The following ERCC6L2 variants were observed in gnomAD, a reference collection of about 807,000 sequenced individuals.
The protein encoded by ERCC6L2 is DNA excision repair protein ERCC-6-like 2.
A neutral mutation model predicts 132.0 loss-of-function variants in ERCC6L2; 77 were observed. The ratio of observed to expected loss-of-function variants is 0.58; its 90% CI spans 0.49 to 0.71. ERCC6L2 has a LOEUF of 0.71. ERCC6L2 is among the 30% of genes least tolerant of loss of function. ERCC6L2 has a pLI of 0.00. For missense variants in ERCC6L2, 1,542 were observed against 1,837.6 expected, an observed-to-expected ratio of 0.84 and a Z score of 2.94; for synonymous variants, 583 against 632.4, an observed-to-expected ratio of 0.92 and a Z score of 1.17.
intron 3 of ERCC6L2, among the ~76,000 whole-genome samples, chr9:95,904,308 ATAT>A (rs1828925808): frequency 6.6e-6 from 1 of 152,088 alleles, no homozygotes. Flanking sequence ...CTCTGAACAT[ATAT>A]TATTATTCCG....
Position 96,016,458 on chromosome 9 carries a change from T to C in ERCC6L2, c.*3255T>C, listed in dbSNP as rs1201616829. Reference sequence around the variant, plus strand: ...AACACTCACCACACAGCTATTAATATTGGAAACTGAGGCAAGATACCAAGA... The same window carrying C: ...AACACTCACCACACAGCTATTAATACTGGAAACTGAGGCAAGATACCAAGA... On this transcript the variant is annotated 3_prime_UTR_variant, in exon 19 of 19. Coordinates refer to ENST00000653738, the MANE Select transcript of ERCC6L2 (RefSeq NM_020207.7). Among the ~76,000 whole-genome samples, 3 of 152,206 alleles carry C rather than the reference T, an allele frequency of 2.0e-5. No homozygotes were observed. In the South Asian group the frequency reaches 6.2e-4, roughly 32 times the overall value.
chr9:95,959,763 A>C (rs186701035), intron 13 of ERCC6L2, among the ~76,000 whole-genome samples: 1 of 152,296 alleles, frequency 6.6e-6, no homozygotes, highest in African/African-American at 2.4e-5. Context: ...CTTAAAAAAA[A>C]AATAAACCTG....
At position 96,004,576 on chromosome 9, in the gene ERCC6L2, A is replaced by G. The variant is rs140801226; in HGVS notation, c.3549A>G (p.Gln1183=). 7.6e-7 allele frequency: 1 copy of G among 1,311,548 alleles called. No homozygotes were observed. The allele number at this position is 1,311,548 out of a possible 1,614,324, so 81.2% of individuals were successfully genotyped here. The stretch of plus-strand genomic sequence containing the variant: ...TGCCACACACAAAGAAAGGCCAGCA[A>G]CCGAGTGAAGGCAGCATTTCACTTC... The part of the protein sequence containing the change: ...DTLPHTKKGQ[Q]PSEGSISLPL... Residue 1183 remains glutamine, a synonymous_variant, in exon 18 of 19, where the codon CAA becomes CAG. Transcript: ENST00000653738.
At chr9:95,916,552 A>G (rs1203565361) in intron 6 of ERCC6L2, 118 bp downstream of exon 6, 1 of 803,520 alleles carries the variant, frequency 1.2e-6, no homozygotes, top group Non-Finnish European at 1.8e-6. Context: ...TTTATTCTGT[A>G]TGGAAAAAAT....
chr9:96,036,552 C>T (rs1004813327), intron 19 of ERCC6L2, among the ~76,000 whole-genome samples: 2 of 152,138 alleles, frequency 1.3e-5, no homozygotes, highest in African/African-American at 2.4e-5. Context: ...ATTGCTGGAT[C>T]ACCTGGGAAG....
rs999225079 is a variant in ERCC6L2, at chr9:95,886,886, A to G, written c.471+5593A>G. Among the ~76,000 whole-genome samples the G allele has an allele frequency of 2.0e-5, 3 of 152,284 alleles. No homozygotes were observed. The East Asian group carries it at 5.8e-4, about 29-fold the overall frequency. On this transcript the variant is annotated intron_variant, in intron 2 of 18. Transcript: ENST00000653738. ...TGGCTAGAAGTAAGCAGGCAGAAAA[A>G]TGTGAAGAGAGAGACTGGCCTAGCC...
chr9:95,941,311 T>G, intron 11 of ERCC6L2, 143 bp from the exon 12 acceptor site: 1 of 545,446 alleles, frequency 1.8e-6, no homozygotes, highest in South Asian at 2.8e-5. Flanking sequence ...GTGGCATATT[T>G]GTATTTTAAT....
chr9:95,936,621 C>T (rs1456721278), intron 11 of ERCC6L2, among the ~76,000 whole-genome samples: 1 of 152,082 alleles, frequency 6.6e-6, no homozygotes, highest in Non-Finnish European at 1.5e-5. Flanking sequence ...CAGAATGATC[C>T]CATGCACTCT....
At chr9:95,914,984 C>T (rs1829513007) in intron 4 of ERCC6L2, among the ~76,000 whole-genome samples, 1 of 152,000 alleles carries the variant, frequency 6.6e-6, no homozygotes, top group South Asian at 2.1e-4. Flanking sequence ...CATAGAACTC[C>T]TGGATTTTTG....
At chr9:95,993,825 C>G (rs896467810) in intron 17 of ERCC6L2, among the ~76,000 whole-genome samples, 22 of 152,218 alleles carry the variant, frequency 1.4e-4, no homozygotes, top group African/African-American at 5.1e-4. Context: ...TAAAAACTTT[C>G]ATCTCCCTCT....
intron 17 of ERCC6L2, among the ~76,000 whole-genome samples, chr9:95,982,833 G>T (rs1832945308): frequency 6.6e-6 from 1 of 152,056 alleles, no homozygotes; most frequent in Admixed American, 6.6e-5. Flanking sequence ...CGTCATTTGA[G>T]TAGAAAATAC....
intron 11 of ERCC6L2, among the ~76,000 whole-genome samples, chr9:95,938,126 A>T (rs886376578): frequency 2.4e-4 from 37 of 151,234 alleles, no homozygotes; most frequent in African/African-American, 9.0e-4. Context: ...AGTGTTTGGA[A>T]TTTTTTTTGT....
chr9:95,887,716 T>A (rs540445335), intron 2 of ERCC6L2, among the ~76,000 whole-genome samples: 1 of 152,246 alleles, frequency 6.6e-6, no homozygotes, highest in Non-Finnish European at 1.5e-5. Flanking sequence ...TAATTAAAGG[T>A]TTCTTAGGTT....
At chr9:95,997,150 G>C (rs1204601162) in intron 17 of ERCC6L2, among the ~76,000 whole-genome samples, 4,833 of 152,318 alleles carry the variant, frequency 0.032, 276 homozygotes, top group African/African-American at 0.11. Flanking sequence ...CTTGGGCAAA[G>C]TCAGTTGTTA....
At chr9:96,039,535 G>T (rs949383398) in intron 20 of ERCC6L2, among the ~76,000 whole-genome samples, 1 of 152,134 alleles carries the variant, frequency 6.6e-6, no homozygotes, top group Non-Finnish European at 1.5e-5. Flanking sequence ...AGCCAGCCAG[G>T]GTAGCCAGGG....
chr9:95,977,734 CTT>C (rs879412026), intron 16 of ERCC6L2, among the ~76,000 whole-genome samples: 4 of 144,052 alleles, frequency 2.8e-5, no homozygotes, highest in Admixed American at 7.0e-5. Context: ...TAGTGAACAT[CTT>C]TTTTTTTTTT....
At chr9:95,886,859 C>A (rs190757624) in intron 2 of ERCC6L2, among the ~76,000 whole-genome samples, 1 of 152,248 alleles carries the variant, frequency 6.6e-6, no homozygotes, top group East Asian at 1.9e-4. Context: ...CAGCTGCCAG[C>A]GTGGCTAGAA....
rs1363230627 is a variant in ERCC6L2 at position 96,016,516 on chromosome 9, T to TA, written c.*3314dup. On this transcript the variant is annotated 3_prime_UTR_variant, in exon 19 of 19. Transcript: ENST00000653738. Reference sequence around the variant, plus strand: ...GCACTTGAATTCCTCAGGGTTCTCTTACAGCCCTGAAAACACCTCTTCAAG... The same window carrying TA: ...GCACTTGAATTCCTCAGGGTTCTCTTAACAGCCCTGAAAACACCTCTTCAAG... 6.6e-6 allele frequency among the ~76,000 whole-genome samples: 1 copy of TA among 152,204 alleles called. No individual in the cohort carries two copies. The highest frequency in any genetic ancestry group is 1.5e-5 in the Non-Finnish European group (1 of 68,026).
chr9:96,003,253 C>T (rs1833750350), intron 17 of ERCC6L2, among the ~76,000 whole-genome samples: 1 of 152,076 alleles, frequency 6.6e-6, no homozygotes, highest in South Asian at 2.1e-4. Context: ...CTTCTGTTTT[C>T]ATTGGAATCA....
Sources: gnomAD v4.1 joint callset for allele counts (sites outside exome capture counted in the v4.1 genomes callset) on GRCh38, gnomAD v4.1.1 for gene constraint, MANE v1.5 for transcripts, NCBI Gene and HGNC (gene_info 2026-07-23, HGNC 2026-07-21) for gene names.